MCC: variants seen among roughly 807,000 people sequenced by gnomAD.
The protein encoded by MCC is MCC regulator of Wnt signaling pathway, also known as colorectal mutant cancer protein.
A neutral mutation model predicts 116.2 loss-of-function variants in MCC; 90 were observed. That is an observed-to-expected ratio of 0.77 (90% CI 0.65 to 0.92). The LOEUF (loss-of-function observed/expected upper bound fraction) is 0.92, where lower values mean the gene tolerates loss of function less well. Among genes scored for constraint, MCC ranks in the 40% least tolerant of loss-of-function variants. MCC has a pLI of 0.00. For synonymous variants in MCC, 578 were observed against 510.5 expected, an observed-to-expected ratio of 1.13 and a Z score of -1.78; for missense variants, 1,516 against 1,312.2, an observed-to-expected ratio of 1.16 and a Z score of -2.40.
At chr5:113,119,944 A>T (rs4527591) in intron 6 of MCC, among the ~76,000 whole-genome samples, 144,083 of 152,320 alleles carry the variant, frequency 0.95, 68,574 homozygotes, top group East Asian at 1. Flanking sequence ...CGCCACCTCA[A>T]GTCAGGAGGT....
At chr5:113,159,262 C>T (rs1302253041) in intron 3 of MCC, among the ~76,000 whole-genome samples, 1 of 152,168 alleles carries the variant, frequency 6.6e-6, no homozygotes, top group Non-Finnish European at 1.5e-5. Flanking sequence ...CTGAGTTCTG[C>T]ACTATGGGCT....
chr5:113,122,682 A>G lies in MCC; in HGVS notation c.1027+2T>C. On this transcript the variant is annotated splice_donor_variant, in intron 6 of 18. Transcript: ENST00000408903. LOFTEE classifies it high-confidence loss of function. ...CTTGGTGGCAAGGGCAGGCAGACTC[A>G]CCCATGTCAGCAGTAACCATGGTAG... 6.2e-7 allele frequency: 1 copy of G among 1,613,964 alleles called. No individual in the cohort carries two copies. The highest frequency in any genetic ancestry group is 2.2e-5 in the East Asian group (1 of 44,874).
intron 3 of MCC, among the ~76,000 whole-genome samples, chr5:113,224,809 G>A (rs1373753131): frequency 6.6e-6 from 1 of 152,188 alleles, no homozygotes; most frequent in Non-Finnish European, 1.5e-5. Flanking sequence ...TCACACTCCT[G>A]TTCGCAAAAA....
At chr5:113,189,435 C>T (rs935164) in intron 3 of MCC, among the ~76,000 whole-genome samples, 148,098 of 152,292 alleles carry the variant, frequency 0.97, 72,135 homozygotes, top group East Asian at 1. Flanking sequence ...TGCTGGTCTG[C>T]AAAAGTATGC....
At chr5:113,043,024 C>T (rs963699293) in intron 17 of MCC, among the ~76,000 whole-genome samples, 4 of 152,108 alleles carry the variant, frequency 2.6e-5, no homozygotes, top group Non-Finnish European at 5.9e-5. Context: ...ATACGGAAGA[C>T]AGAGCTAGAT....
chr5:113,214,703 T>C (rs998248133), intron 3 of MCC, among the ~76,000 whole-genome samples: 3 of 152,182 alleles, frequency 2.0e-5, no homozygotes, highest in African/African-American at 4.8e-5. Flanking sequence ...GATCTGCTAA[T>C]TGTTCTTACC....
intron 3 of MCC, among the ~76,000 whole-genome samples, chr5:113,293,251 C>A (rs970499649): frequency 1.3e-5 from 2 of 151,970 alleles, no homozygotes; most frequent in African/African-American, 2.4e-5. Context: ...ACACACACAC[C>A]CCCGCAGGGG....
rs773417783 is a variant in MCC, at chr5:113,085,212, A to G, written c.1497T>C (p.Thr499=). 1.4e-5 allele frequency: 22 copies of G among 1,614,010 alleles called. No homozygotes were observed. The highest frequency in any genetic ancestry group is 1.9e-5 in the Non-Finnish European group (22 of 1,180,016). ...TGCTGCTGCTTGTGCTCAGCTCCCC[A>G]GTGCTGGGGTTAATCGGGCGGTTGG... ...TSTNRPINPS[T]GELSTSSSSN... The change falls in exon 9 of 19, where the codon ACT becomes ACC. Residue 499 remains threonine, a synonymous_variant. Coordinates refer to ENST00000408903, the MANE Select transcript of MCC (RefSeq NM_001085377.2).
At chr5:113,348,422 T>A (rs1240470009) in intron 2 of MCC, among the ~76,000 whole-genome samples, 1 of 151,946 alleles carries the variant, frequency 6.6e-6, no homozygotes, top group African/African-American at 2.4e-5. Flanking sequence ...ATTTTGAAAA[T>A]CGTACAAACA....
At chr5:113,400,162 G>A (rs1320429006) in intron 1 of MCC, among the ~76,000 whole-genome samples, 2 of 105,824 alleles carry the variant, frequency 1.9e-5, no homozygotes, top group Admixed American at 1.4e-4. Flanking sequence ...TTACTGTGTC[G>A]CCCAGGCTGG....
chr5:113,431,142 TGGA>T (rs1304146261), intron 1 of MCC, among the ~76,000 whole-genome samples: 2 of 151,898 alleles, frequency 1.3e-5, no homozygotes, highest in African/African-American at 4.8e-5. Context: ...GTGAAAGGAT[TGGA>T]GGAGTTTTCC....
At chr5:113,184,484 T>G (rs865990439) in intron 3 of MCC, among the ~76,000 whole-genome samples, 3,628 of 148,058 alleles carry the variant, frequency 0.025, 159 homozygotes, top group African/African-American at 0.085. Context: ...TTTTTGTTTT[T>G]TTTTTTTTTT....
intron 4 of MCC, among the ~76,000 whole-genome samples, chr5:113,146,814 G>A (rs1041399917): frequency 6.6e-6 from 1 of 152,116 alleles, no homozygotes; most frequent in Non-Finnish European, 1.5e-5. Flanking sequence ...ATATGCTACT[G>A]CTTTTTTTTC....
intron 3 of MCC, among the ~76,000 whole-genome samples, chr5:113,273,857 T>A (rs994045034): frequency 6.6e-6 from 1 of 151,722 alleles, no homozygotes; most frequent in Non-Finnish European, 1.5e-5. Context: ...CCTGGATAGG[T>A]TAAAAAGCAT....
chr5:113,121,096 CCTTCAG>C lies in MCC; in HGVS notation c.1027+1582_1027+1587del, dbSNP rs557416454. The stretch of plus-strand genomic sequence containing the variant: ...CCCCCACCTTCAATCGGTTTCCAAT[CCTTCAG>C]CAAATCTTGCCAATTTTACATCTTT... On this transcript the variant is annotated intron_variant, in intron 6 of 18. Transcript: ENST00000408903. Among the ~76,000 whole-genome samples the C allele has an allele frequency of 6.6e-5, 10 of 152,340 alleles. No individual in the cohort carries two copies. The East Asian group carries it at 1.9e-3, about 29-fold the overall frequency.
intron 3 of MCC, among the ~76,000 whole-genome samples, chr5:113,258,137 G>C (rs1765089202): frequency 1.3e-5 from 2 of 152,146 alleles, no homozygotes; most frequent in Admixed American, 6.5e-5. Flanking sequence ...ACATTGCAAG[G>C]GGTCCTGAAA....
chr5:113,371,152 C>T (rs1447960259), intron 2 of MCC, among the ~76,000 whole-genome samples: 7 of 152,142 alleles, frequency 4.6e-5, no homozygotes, highest in African/African-American at 7.2e-5. Flanking sequence ...ACCTGGTAGG[C>T]GGAGGTTGCA....
At chr5:113,340,476 A>G in intron 3 of MCC, 43 bp downstream of exon 3, 1 of 1,535,334 alleles carries the variant, frequency 6.5e-7, no homozygotes, top group Non-Finnish European at 9.0e-7. Flanking sequence ...ATTGGAATAC[A>G]GACAGGCCGA....
chr5:113,128,519 T>G (rs1016287465), intron 5 of MCC, among the ~76,000 whole-genome samples: 1 of 152,268 alleles, frequency 6.6e-6, no homozygotes, highest in Non-Finnish European at 1.5e-5. Context: ...GTCCTCGTTC[T>G]TTCTTCAATA....
Sources: gnomAD v4.1 joint callset for allele counts (sites outside exome capture counted in the v4.1 genomes callset) on GRCh38, gnomAD v4.1.1 for gene constraint, MANE v1.5 for transcripts, NCBI Gene and HGNC (gene_info 2026-07-23, HGNC 2026-07-21) for gene names.